PLEKHG7: variants seen among roughly 807,000 people sequenced by gnomAD.
The protein encoded by PLEKHG7 is pleckstrin homology and RhoGEF domain containing G7.
A neutral mutation model predicts 85.2 loss-of-function variants in PLEKHG7; 77 were observed. That is an observed-to-expected ratio of 0.90 (90% CI 0.75 to 1.09). The LOEUF is 1.09. Among genes scored for constraint, PLEKHG7 ranks in the 50% least tolerant of loss-of-function variants. The pLI, the probability that PLEKHG7 is intolerant of heterozygous loss-of-function variation, is 0.00. For synonymous variants in PLEKHG7, 301 were observed against 302.4 expected, an observed-to-expected ratio of 1.00 and a Z score of 0.05; for missense variants, 777 against 804.3, an observed-to-expected ratio of 0.97 and a Z score of 0.41.
rs114344159 is a variant in PLEKHG7 at position 92,714,386 on chromosome 12, C to T, written c.530+6714C>T. ...GTCCCCAGCTTCATCAGCGTCCTCC[C>T]GGGCATCCTATTCCAAGTTGCAGGG... On this transcript the variant is annotated intron_variant, in intron 3 of 16. Transcript: ENST00000344636. 8.4e-3 allele frequency among the ~76,000 whole-genome samples: 1,280 copies of T among 152,274 alleles called. 16 individuals are homozygous for T. Among genetic ancestry groups the T allele is most frequent in the African/African-American group, 0.028 (1,158 of 41,550 alleles).
At chr12:92,754,379 G>T (rs773306359) in intron 11 of PLEKHG7, 115 bp downstream of exon 11, 218 of 994,980 alleles carry the variant, frequency 2.2e-4, no homozygotes, top group Non-Finnish European at 2.9e-4. Flanking sequence ...CATGGCTCTT[G>T]GAAATGTGGG....
chr12:92,739,897 T>G (rs1297203452), intron 7 of PLEKHG7, among the ~76,000 whole-genome samples: 2 of 152,194 alleles, frequency 1.3e-5, no homozygotes, highest in Non-Finnish European at 2.9e-5. Flanking sequence ...AAGGTCTAAG[T>G]GGTTCTTGAC....
At chr12:92,741,027 T>A (rs1486084450) in intron 8 of PLEKHG7, 79 bp downstream of exon 8, 2 of 983,920 alleles carry the variant, frequency 2.0e-6, no homozygotes, top group African/African-American at 3.2e-5. Context: ...TTCTTATGGC[T>A]TGTATGCCAT....
At chr12:92,725,735 CT>C (rs1396604035) in intron 3 of PLEKHG7, among the ~76,000 whole-genome samples, 1 of 151,998 alleles carries the variant, frequency 6.6e-6, no homozygotes, top group Admixed American at 6.6e-5. Context: ...TTATAAATTC[CT>C]AAACAACTTG....
chr12:92,737,614 A>G, intron 7 of PLEKHG7, 93 bp downstream of exon 7: 1 of 1,251,742 alleles, frequency 8.0e-7, no homozygotes, highest in Non-Finnish European at 1.1e-6. Context: ...TAAAGAAAAG[A>G]AAGAGAGAAA....
At chr12:92,727,958 GTGTGTA>G (rs1487185279) in intron 3 of PLEKHG7, among the ~76,000 whole-genome samples, 8 of 135,314 alleles carry the variant, frequency 5.9e-5, no homozygotes, top group East Asian at 2.4e-4. Flanking sequence ...GTGTGTGTGT[GTGTGTA>G]TATATATATA....
At chr12:92,723,734 C>G (rs1226954849) in intron 3 of PLEKHG7, among the ~76,000 whole-genome samples, 1 of 152,064 alleles carries the variant, frequency 6.6e-6, no homozygotes, top group Non-Finnish European at 1.5e-5. Context: ...AAATTTGACC[C>G]CACATTCTTA....
chr12:92,768,002 C>T (rs1346159251), intron 15 of PLEKHG7, among the ~76,000 whole-genome samples: 3 of 152,008 alleles, frequency 2.0e-5, no homozygotes, highest in Middle Eastern at 3.4e-3. Context: ...GTTAGGAGTT[C>T]GAGACCAGCC....
rs75666917 is a variant in PLEKHG7 at position 92,766,238 on chromosome 12, T to C, written c.1870+2044T>C. Among the ~76,000 whole-genome samples, 4 of 152,304 alleles carry C rather than the reference T, an allele frequency of 2.6e-5. No homozygotes were observed. The East Asian group carries it at 7.7e-4, about 29-fold the overall frequency. ...TAGTTTACTTTTTCATGGGGAAAAA[T>C]ATCATAGTAGAGGGCATCCTGTGCT... On this transcript the variant is annotated intron_variant, in intron 15 of 16. Transcript: ENST00000344636.
chr12:92,761,498 TACTC>T (rs1872986832), intron 13 of PLEKHG7, among the ~76,000 whole-genome samples: 1 of 151,166 alleles, frequency 6.6e-6, no homozygotes, highest in African/African-American at 2.4e-5. Context: ...GGTGCCGTAA[TACTC>T]ACCCAGTTTT....
intron 7 of PLEKHG7, among the ~76,000 whole-genome samples, chr12:92,737,749 G>GAAGGAAGGAAGGAAGGAAGGAAGGA (rs1555195307): frequency 7.9e-6 from 1 of 125,938 alleles, no homozygotes; most frequent in East Asian, 2.6e-4. Context: ...GGGAGGGAGG[G>GAAGGAAGGAAGGAAGGAAGGAAGGA]AGGAAGGAAG....
rs1873036650 is a variant in PLEKHG7 at position 92,761,679 on chromosome 12, A to AAAGAAAGAAAG, written c.1637-66_1637-65insAAAGAAGAAAG. ...GAAAGAAAGAAAGAAAGAAAGAAAG[A>AAAGAAAGAAAG]AAGAAAGGGAAAGAAAAACTCTTCT... On this transcript the variant is annotated intron_variant, in intron 13 of 16. Transcript: ENST00000344636. The AAAGAAAGAAAG allele has an allele frequency of 4.7e-6, 6 of 1,280,980 alleles. No homozygotes were observed. The South Asian group carries it at 8.8e-5, about 19-fold the overall frequency. The allele number at this position is 1,280,980 out of a possible 1,614,324, so 79.4% of individuals were successfully genotyped here. A position where few individuals can be genotyped will look rare whatever the true frequency, so the allele number is the denominator to read the frequency against.
chr12:92,766,484 C>G (rs1274489606), intron 15 of PLEKHG7, among the ~76,000 whole-genome samples: 1 of 151,924 alleles, frequency 6.6e-6, no homozygotes, highest in Non-Finnish European at 1.5e-5. Flanking sequence ...ACCGGATTAC[C>G]TTGAAAGATG....
intron 3 of PLEKHG7, among the ~76,000 whole-genome samples, chr12:92,727,675 C>T (rs915870548): frequency 2.0e-5 from 3 of 151,970 alleles, no homozygotes; most frequent in Admixed American, 6.6e-5. Flanking sequence ...CTGCAACCTC[C>T]ACCTCCAGGT....
chr12:92,766,635 G>T (rs1873206090), intron 15 of PLEKHG7, among the ~76,000 whole-genome samples: 1 of 152,016 alleles, frequency 6.6e-6, no homozygotes, highest in African/African-American at 2.4e-5. Flanking sequence ...TTGAGGTCAG[G>T]AGTTCAAGAC....
At chr12:92,728,867 A>T (rs1449470512) in intron 3 of PLEKHG7, 126 bp from the exon 4 acceptor site, 5 of 660,796 alleles carry the variant, frequency 7.6e-6, no homozygotes, top group Non-Finnish European at 2.1e-6. Context: ...CCACCAATGG[A>T]CTATAAGCAT....
At position 92,736,546 on chromosome 12, in the gene PLEKHG7, G is replaced by A; in HGVS notation, c.764G>A (p.Ser255Asn). The change falls in exon 6 of 17, where the codon AGC becomes AAC. Residue 255 changes from serine (S) to asparagine (N), a missense_variant. By Grantham distance (46) the Ser-to-Asn change is conservative (BLOSUM62 1). Coordinates refer to ENST00000344636, the MANE Select transcript of PLEKHG7 (RefSeq NM_001377329.1). ...TGCCTGTCCTCTGTGAAAATTACCA[G>A]CTTCAGGGGCTATGACTTCTACGGT... is the stretch of plus-strand genomic sequence containing the variant. ...ENCLSSVKIT[S>N]FRGYDFYGLK... 1 of 1,230,882 alleles carries A rather than the reference G, an allele frequency of 8.1e-7. No homozygotes were observed. The highest frequency in any genetic ancestry group is 1.0e-6 in the Non-Finnish European group (1 of 986,844). The allele number at this position is 1,230,882 out of a possible 1,614,324, so 76.2% of individuals were successfully genotyped here.
In PLEKHG7 at chr12:92,737,482, A is replaced by T. The variant is rs764445520; in HGVS notation, c.900A>T (p.Glu300Asp). The change falls in exon 7 of 17, where the codon GAA becomes GAT. Residue 300 changes from glutamate to aspartate, a missense_variant. Glu to Asp is a conservative substitution (Grantham distance 45). This residue lies in a region of PLEKHG7 where 520 missense variants were observed against 544.0 expected (regional missense o/e 0.96). Coordinates refer to ENST00000344636, the MANE Select transcript of PLEKHG7 (RefSeq NM_001377329.1). ...QEAVWELFTS[E>D]CTYFLDHLLV... ...CCGTGTGGGAACTTTTCACAAGTGA[A>T]TGCACCTATTTTTTGGACCATTTAT... is the stretch of plus-strand genomic sequence containing the variant. 6.2e-7 allele frequency: 1 copy of T among 1,603,312 alleles called. No individual in the cohort carries two copies. Among genetic ancestry groups the T allele is most frequent in the Non-Finnish European group, 8.5e-7 (1 of 1,177,588 alleles).
intron 3 of PLEKHG7, chr12:92,708,099 G>A: frequency 5.4e-6 from 1 of 185,002 alleles, no homozygotes; most frequent in Non-Finnish European, 1.1e-5. Context: ...TGTTATGACA[G>A]ACTGTGCCCT....
Sources: gnomAD v4.1 joint callset for allele counts (sites outside exome capture counted in the v4.1 genomes callset) on GRCh38, gnomAD v4.1.1 for gene constraint, gnomAD v4.1.1 regional missense constraint, MANE v1.5 for transcripts, NCBI Gene and HGNC (gene_info 2026-07-23, HGNC 2026-07-21) for gene names.